Variants in ORM2 observed in about 807,000 individuals in gnomAD.
ORM2 encodes the protein alpha-1-acid glycoprotein 2.
A neutral mutation model predicts 26.8 loss-of-function variants in ORM2; 19 were observed. The observed-to-expected ratio is 0.71, with a 90% confidence interval of 0.49 to 1.04. The LOEUF is 1.04. ORM2 is among the 50% of genes least tolerant of loss of function. The pLI, the probability that ORM2 is intolerant of heterozygous loss-of-function variation, is 0.00. For synonymous variants in ORM2, 94 were observed against 100.0 expected, an observed-to-expected ratio of 0.94 and a Z score of 0.36; for missense variants, 259 against 244.9, an observed-to-expected ratio of 1.06 and a Z score of -0.39.
At chr9:114,330,735 T>G in intron 2 of ORM2, 57 bp from the exon 3 acceptor site, 2 of 1,600,408 alleles carry the variant, frequency 1.2e-6, no homozygotes, top group Non-Finnish European at 1.7e-6. Context: ...GATGGGCGAT[T>G]GGCCACTTCT....
intron 2 of ORM2, 33 bp from the exon 3 acceptor site, chr9:114,330,759 A>C (rs1829837603): frequency 1.1e-5 from 17 of 1,608,826 alleles, no homozygotes; most frequent in Non-Finnish European, 1.4e-5. Flanking sequence ...CGATAACATT[A>C]CTGTTTTTCT....
In ORM2 at chr9:114,331,921, T is replaced by A; in HGVS notation, c.532T>A (p.Trp178Arg). The change falls in exon 5 of 6, where the codon TGG becomes AGG. Residue 178 changes from tryptophan to arginine, a missense_variant. Transcript: ENST00000431067. ...IPRSDVMYTD[W>R]KKDKCEPLEK... ...CAGGTCAGATGTCATGTACACCGACTGGAAAAAGGTAAACGCAAGGGATTG... is the reference window on the plus strand; with the variant it reads ...CAGGTCAGATGTCATGTACACCGACAGGAAAAAGGTAAACGCAAGGGATTG... The A allele has an allele frequency of 1.2e-6, 2 of 1,613,550 alleles. No individual in the cohort carries two copies. Among genetic ancestry groups the A allele is most frequent in the African/African-American group, 1.3e-5 (1 of 74,740 alleles).
Position 114,333,078 on chromosome 9 carries a change from G to A in ORM2, c.550G>A (p.Glu184Lys), listed in dbSNP as rs772162990. The A allele has an allele frequency of 1.6e-5, 25 of 1,571,676 alleles. No individual in the cohort carries two copies. In the African/African-American group the frequency reaches 3.0e-4, roughly 19 times the overall value. Reference protein sequence around the residue: ...MYTDWKKDKCEPLEKQHEKER... With the variant: ...MYTDWKKDKCKPLEKQHEKER... ...CCCCGCTGCCTTCTAGGATAAGTGT[G>A]AGCCACTGGAGAAGCAGCACGAGAA... The change falls in exon 6 of 6, where the codon GAG becomes AAG. Residue 184 changes from glutamate to lysine, a missense_variant. By Grantham distance (56) the Glu-to-Lys change is moderately conservative (BLOSUM62 1). Transcript: ENST00000431067.
At chr9:114,332,495 A>C (rs1829872143) in intron 5 of ORM2, among the ~76,000 whole-genome samples, 1 of 152,090 alleles carries the variant, frequency 6.6e-6, no homozygotes, top group African/African-American at 2.4e-5. Flanking sequence ...AGCACCGATG[A>C]GCTGGTTCCA....
rs1284327265 is a variant in ORM2 at position 114,329,990 on chromosome 9, T to G, written c.86T>G (p.Val29Gly). Residue 29 changes from valine to glycine, a missense_variant, in exon 1 of 6, where the codon GTG (valine) becomes GGG (glycine). Coordinates refer to ENST00000431067, the MANE Select transcript of ORM2 (RefSeq NM_000608.4). ...CCATTGTGTGCCAACCTAGTACCGG[T>G]GCCCATCACCAACGCCACCCTGGAC... ...QIPLCANLVP[V>G]PITNATLDRI... 3 of 1,580,698 alleles carry G rather than the reference T, an allele frequency of 1.9e-6. No homozygotes were observed. The highest frequency in any genetic ancestry group is 2.6e-6 in the Non-Finnish European group (3 of 1,165,736).
chr9:114,331,226 A>G (rs1829845677), intron 3 of ORM2, among the ~76,000 whole-genome samples: 1 of 152,046 alleles, frequency 6.6e-6, no homozygotes, highest in African/African-American at 2.4e-5. Context: ...TATGTCCCCC[A>G]TCACCGCAGA....
Position 114,331,605 on chromosome 9 carries a change from A to G in ORM2, c.367A>G (p.Arg123Gly). The change falls in exon 4 of 6, where the codon AGG (arginine) becomes GGG (glycine). Residue 123 changes from arginine to glycine, a missense_variant. Physicochemically the swap from Arg to Gly is moderately radical, Grantham distance 125. This residue lies in a region of ORM2 where 251 missense variants were observed against 220.5 expected (regional missense o/e 1.14). Transcript: ENST00000431067. ...ACATGTTGCTCACCTGCTGTTCCTT[A>G]GGGACACCAAGACCTTGATGTTTGG... The part of the protein sequence containing the change: ...REHVAHLLFL[R>G]DTKTLMFGSY... 6.2e-7 allele frequency: 1 copy of G among 1,613,922 alleles called. No individual in the cohort carries two copies. The highest frequency in any genetic ancestry group is 8.5e-7 in the Non-Finnish European group (1 of 1,179,982).
At position 114,331,882 on chromosome 9, in the gene ORM2, T is replaced by G. The variant is rs1214997559; in HGVS notation, c.493T>G (p.Cys165Gly). 6.2e-7 allele frequency: 1 copy of G among 1,613,908 alleles called. No individual in the cohort carries two copies. The highest frequency in any genetic ancestry group is 8.5e-7 in the Non-Finnish European group (1 of 1,179,880). ...QLGEFYEALD[C>G]LCIPRSDVMY... The stretch of plus-strand genomic sequence containing the variant: ...GGGAGAGTTCTACGAAGCTCTCGAC[T>G]GCTTGTGCATTCCCAGGTCAGATGT... The change falls in exon 5 of 6, where the codon TGC becomes GGC. Residue 165 changes from cysteine to glycine, a missense_variant. By Grantham distance (159) the Cys-to-Gly change is radical. Around this residue, in one of 2 missense-constraint regions of ORM2, gnomAD observed 251 missense variants for 220.5 expected, o/e 1.14. Transcript: ENST00000431067.
chr9:114,333,197 G>A lies in ORM2; in HGVS notation c.*63G>A. 8.7e-7 allele frequency: 1 copy of A among 1,145,112 alleles called. No homozygotes were observed. The highest frequency in any genetic ancestry group is 2.6e-5 in the East Asian group (1 of 38,586). 70.9% of individuals were successfully genotyped at this position (1,145,112 alleles called of 1,614,324 possible). On this transcript the variant is annotated 3_prime_UTR_variant, in exon 6 of 6. Coordinates refer to ENST00000431067, the MANE Select transcript of ORM2 (RefSeq NM_000608.4). ...CCATCCTGCCCCTCCAACCCGACAT[G>A]TGTACCTCAGCTTTTTCCCTCACTT...
intron 3 of ORM2, among the ~76,000 whole-genome samples, chr9:114,331,201 G>A (rs1401904347): frequency 6.6e-6 from 1 of 152,060 alleles, no homozygotes; most frequent in African/African-American, 2.4e-5. Context: ...ATGTTGGAGA[G>A]GTGGTACCTT....
intron 5 of ORM2, among the ~76,000 whole-genome samples, chr9:114,332,157 C>CT (rs1393769745): frequency 6.6e-6 from 1 of 151,808 alleles, no homozygotes; most frequent in Non-Finnish European, 1.5e-5. Flanking sequence ...GACCTGAAAG[C>CT]TAACAGGAGG....
In ORM2 at chr9:114,331,585, T is replaced by C. The variant is rs756377807; in HGVS notation, c.347T>C (p.Val116Ala). Residue 116 changes from valine (V) to alanine (A), a missense_variant, in exon 4 of 6, where the codon GTT becomes GCT. By Grantham distance (64) the Val-to-Ala change is moderately conservative (BLOSUM62 0). Coordinates refer to ENST00000431067, the MANE Select transcript of ORM2 (RefSeq NM_000608.4). ...VSRYEGGREH[V>A]AHLLFLRDTK... ...CTTCCAGAGGGAGGCCGAGAACATG[T>C]TGCTCACCTGCTGTTCCTTAGGGAC... 3.7e-6 allele frequency: 6 copies of C among 1,613,916 alleles called. No individual in the cohort carries two copies. Among genetic ancestry groups the C allele is most frequent in the Admixed American group, 3.3e-5 (2 of 60,010 alleles).
intron 5 of ORM2, among the ~76,000 whole-genome samples, chr9:114,332,866 T>G (rs1687417): frequency 0.65 from 97,584 of 151,246 alleles, 30,872 homozygotes; most frequent in East Asian, 0.84. Context: ...GAGCTCCCAT[T>G]GTAGAGGCAA....
intron 5 of ORM2, among the ~76,000 whole-genome samples, chr9:114,332,480 A>T (rs1283295954): frequency 6.6e-6 from 1 of 152,138 alleles, no homozygotes; most frequent in Admixed American, 6.5e-5. Context: ...TACCTGTGAA[A>T]TCACAGCACC....
In ORM2 at chr9:114,333,159, A is replaced by G; in HGVS notation, c.*25A>G. The stretch of plus-strand genomic sequence containing the variant: ...GCAGGACACAGCCTTGGATCAGGAC[A>G]GAGACTTGGGGGCCATCCTGCCCCT... On this transcript the variant is annotated 3_prime_UTR_variant, in exon 6 of 6. Coordinates refer to ENST00000431067, the MANE Select transcript of ORM2 (RefSeq NM_000608.4). 6.5e-7 allele frequency: 1 copy of G among 1,532,102 alleles called. No individual in the cohort carries two copies. Among genetic ancestry groups the G allele is most frequent in the Non-Finnish European group, 8.9e-7 (1 of 1,129,886 alleles). 94.9% of individuals were successfully genotyped at this position (1,532,102 alleles called of 1,614,324 possible).
chr9:114,331,699 C>T (rs1366798513), intron 4 of ORM2, 25 bp downstream of exon 4: 4 of 1,601,704 alleles, frequency 2.5e-6, no homozygotes, highest in Non-Finnish European at 3.4e-6. Context: ...CAGCCCCAAA[C>T]TCATGCCCCT....
intron 3 of ORM2, among the ~76,000 whole-genome samples, 184 bp from the exon 4 acceptor site, chr9:114,331,383 T>C (rs559726315): frequency 2.6e-5 from 4 of 152,042 alleles, no homozygotes; most frequent in Non-Finnish European, 4.4e-5. Flanking sequence ...AGATCTCATG[T>C]ACAGAAAGTG....
At chr9:114,331,726 C>G in intron 4 of ORM2, 52 bp downstream of exon 4, 1 of 1,585,384 alleles carries the variant, frequency 6.3e-7, no homozygotes, top group Non-Finnish European at 8.7e-7. Flanking sequence ...CCTCACCCCC[C>G]ATTCACCCAC....
At position 114,330,524 on chromosome 9, in the gene ORM2, T is replaced by A; in HGVS notation, c.205T>A (p.Phe69Ile). Residue 69 changes from phenylalanine to isoleucine, a missense_variant, in exon 2 of 6, where the codon TTT becomes ATT. Transcript: ENST00000431067. ...VQEIQATFFY[F>I]TPNKTEDTIF... is the part of the protein sequence containing the mutation. Reference sequence around the variant, plus strand: ...GGAGATCCAAGCAACCTTCTTTTACTTTACCCCCAACAAGACAGAGGACAC... The same window carrying A: ...GGAGATCCAAGCAACCTTCTTTTACATTACCCCCAACAAGACAGAGGACAC... 6.2e-7 allele frequency: 1 copy of A among 1,612,166 alleles called. No individual in the cohort carries two copies. The highest frequency in any genetic ancestry group is 8.5e-7 in the Non-Finnish European group (1 of 1,179,872).
Sources: allele counts gnomAD v4.1 joint callset (sites outside exome capture counted in the v4.1 genomes callset), GRCh38; gene constraint gnomAD v4.1.1; regional missense constraint gnomAD v4.1.1; transcripts MANE v1.5; gene names NCBI Gene and HGNC (gene_info 2026-07-23, HGNC 2026-07-21).